PCDH7: variants seen among roughly 807,000 people sequenced by gnomAD.
The protein encoded by PCDH7 is protocadherin 7.
A neutral mutation model predicts 58.9 loss-of-function variants in PCDH7; 17 were observed. The observed-to-expected ratio is 0.29, with a 90% CI of 0.20 to 0.43. PCDH7 has a LOEUF of 0.43. Ranked by LOEUF, PCDH7 falls within the 20% of genes least tolerant of loss-of-function variation. The probability of loss-of-function intolerance (pLI) is 1.00; values close to 1 mark genes in which losing one functional copy is unlikely to be tolerated. For missense variants in PCDH7, 1,274 were observed against 1,441.0 expected (o/e 0.88, Z 1.88); for synonymous variants, 664 against 616.4 (o/e 1.08, Z -1.14).
Position 30,853,036 on chromosome 4 carries a change from T to C in PCDH7, c.71-67117T>C, listed in dbSNP as rs371675112. Among the ~76,000 whole-genome samples, 24 of 152,094 alleles carry C rather than the reference T, an allele frequency of 1.6e-4. No individual in the cohort carries two copies. In the South Asian group the frequency reaches 5.0e-3, roughly 32 times the overall value. ...AGGGCTTTACGGTAGATCCATGTTA[T>C]TGAGAAAGTGACATGATTGATTAGA... is the stretch of plus-strand genomic sequence containing the variant. On this transcript the variant is annotated intron_variant, in intron 1 of 3. Coordinates refer to the PCDH7 transcript ENST00000509759.
At chr4:31,091,668 A>G (rs1713271857) in intron 3 of PCDH7, among the ~76,000 whole-genome samples, 1 of 151,968 alleles carries the variant, frequency 6.6e-6, no homozygotes, top group Admixed American at 6.6e-5. Flanking sequence ...TTTATATCCT[A>G]GTTTAATTCC....
rs754175439 is a variant in PCDH7, at chr4:30,723,924, G to A, written c.2502G>A (p.Leu834=). The change falls in exon 1 of 2, where the codon CTG becomes CTA. Residue 834 remains leucine, a synonymous_variant. Transcript: ENST00000361762. This position sits in a 1 kb window ranked among gnomAD's most constrained non-coding sequence, Gnocchi z 4.6. ...AGCCTTCCCAGTCCACCACGACTCT[G>A]GTGCACGTGTTTGTCAATGAAAGTG... 2 of 1,613,992 alleles carry A rather than the reference G, an allele frequency of 1.2e-6. No homozygotes were observed. Among genetic ancestry groups the A allele is most frequent in the Admixed American group, 1.7e-5 (1 of 60,016 alleles).
intron 1 of PCDH7, among the ~76,000 whole-genome samples, chr4:30,865,338 A>T (rs1734745575): frequency 6.6e-6 from 1 of 152,084 alleles, no homozygotes; most frequent in South Asian, 2.1e-4. Flanking sequence ...ATCGATATTT[A>T]TAGGAAGGGG....
chr4:30,777,873 T>C (rs1722279348), intron 1 of PCDH7, among the ~76,000 whole-genome samples: 3 of 152,164 alleles, frequency 2.0e-5, no homozygotes. Context: ...AGTATACATT[T>C]AAAAAATCTT....
intron 1 of PCDH7, among the ~76,000 whole-genome samples, chr4:30,812,497 C>G (rs1727149291): frequency 6.6e-6 from 1 of 152,080 alleles, no homozygotes; most frequent in South Asian, 2.1e-4. Flanking sequence ...AACAAATAAA[C>G]TTTCTTTTTC....
chr4:30,885,723 A>G (rs1737639138), intron 1 of PCDH7, among the ~76,000 whole-genome samples: 1 of 152,150 alleles, frequency 6.6e-6, no homozygotes, highest in Non-Finnish European at 1.5e-5. Context: ...TTCAAACTAT[A>G]CTACAAGGCT....
chr4:31,034,544 T>C (rs1578617581), intron 3 of PCDH7, among the ~76,000 whole-genome samples: 1 of 152,328 alleles, frequency 6.6e-6, no homozygotes, highest in Non-Finnish European at 1.5e-5. Flanking sequence ...CGCTCAGTAC[T>C]TTTACAAAAT....
At chr4:31,000,030 A>G (rs1012502214) in intron 3 of PCDH7, among the ~76,000 whole-genome samples, 2 of 152,118 alleles carry the variant, frequency 1.3e-5, no homozygotes, top group Non-Finnish European at 2.9e-5. Flanking sequence ...AAAACTTATA[A>G]TGCAAGAATT....
chr4:31,130,608 C>A (rs1406369578), intron 3 of PCDH7, among the ~76,000 whole-genome samples: 4 of 152,142 alleles, frequency 2.6e-5, no homozygotes, highest in Non-Finnish European at 5.9e-5. Flanking sequence ...ATCCTATAGA[C>A]CAGAAGTCTG....
intron 3 of PCDH7, among the ~76,000 whole-genome samples, chr4:31,102,890 C>A (rs1266390235): frequency 6.6e-6 from 1 of 152,114 alleles, no homozygotes; most frequent in Admixed American, 6.5e-5. Flanking sequence ...AAATGAATCA[C>A]ATTCAGTAAT....
intron 1 of PCDH7, among the ~76,000 whole-genome samples, chr4:30,793,734 C>T (rs1409280743): frequency 6.6e-6 from 1 of 152,096 alleles, no homozygotes; most frequent in Non-Finnish European, 1.5e-5. Context: ...ACTATGTGTG[C>T]AATAGCGTTA....
At chr4:30,744,913 T>G (rs1717570587) in intron 1 of PCDH7, among the ~76,000 whole-genome samples, 1 of 152,220 alleles carries the variant, frequency 6.6e-6, no homozygotes, top group Admixed American at 6.5e-5. Flanking sequence ...TCTATGATTT[T>G]GACCAAAACT....
intron 3 of PCDH7, among the ~76,000 whole-genome samples, chr4:31,116,348 T>C (rs1227880795): frequency 3.9e-5 from 6 of 152,240 alleles, no homozygotes; most frequent in African/African-American, 1.4e-4. Flanking sequence ...CTGGTTGTTA[T>C]AGGCAGTAAC....
At chr4:31,044,953 G>C (rs1393142570) in intron 3 of PCDH7, among the ~76,000 whole-genome samples, 3 of 151,906 alleles carry the variant, frequency 2.0e-5, no homozygotes, top group African/African-American at 7.2e-5. Flanking sequence ...TTAATCTCAA[G>C]CTATCAAGTT....
At chr4:31,066,615 C>T (rs1197970174) in intron 3 of PCDH7, among the ~76,000 whole-genome samples, 3 of 151,818 alleles carry the variant, frequency 2.0e-5, no homozygotes, top group East Asian at 3.9e-4. Context: ...TTCACCTCCC[C>T]CTTTGGAATT....
chr4:30,816,215 T>C (rs994640913), intron 1 of PCDH7, among the ~76,000 whole-genome samples: 7 of 152,194 alleles, frequency 4.6e-5, no homozygotes, highest in African/African-American at 1.7e-4. Context: ...TAAAATATAT[T>C]GTACTGTACA....
At chr4:30,992,479 G>A (rs183640466) in intron 3 of PCDH7, among the ~76,000 whole-genome samples, 88 of 152,222 alleles carry the variant, frequency 5.8e-4, no homozygotes, top group African/African-American at 2.1e-3. Flanking sequence ...CAAGGAAGAA[G>A]AAATAAATGT....
In PCDH7 at chr4:30,905,998, T is replaced by C. The variant is rs533467561; in HGVS notation, c.71-14155T>C. On this transcript the variant is annotated intron_variant, in intron 1 of 3. Coordinates refer to the PCDH7 transcript ENST00000509759. ...AAACAAACATATTCCAAGGAACTTA[T>C]CTTTGGGAATGTCTTTGCTTTTCCA... Among the ~76,000 whole-genome samples the C allele has an allele frequency of 5.9e-5, 9 of 152,340 alleles. No homozygotes were observed. The East Asian group carries it at 1.2e-3, about 20-fold the overall frequency.
chr4:30,861,850 T>C (rs1197839513), intron 1 of PCDH7, among the ~76,000 whole-genome samples: 1 of 152,126 alleles, frequency 6.6e-6, no homozygotes, highest in Non-Finnish European at 1.5e-5. Flanking sequence ...TACTTAGAAG[T>C]AGAGCACCTT....
Sources: gnomAD v4.1 joint callset for allele counts (sites outside exome capture counted in the v4.1 genomes callset) on GRCh38, gnomAD v4.1.1 for gene constraint, Gnocchi (gnomAD v3.1) non-coding constraint, MANE v1.5 for transcripts, NCBI Gene and HGNC (gene_info 2026-07-23, HGNC 2026-07-21) for gene names.